Variants in ZNF362 observed in about 807,000 individuals in gnomAD.
ZNF362 encodes rotund homolog.
In ZNF362, 11 loss-of-function variants were observed where a neutral mutation model predicts 42.9. The observed-to-expected ratio is 0.26, with a 90% CI of 0.16 to 0.42. The LOEUF is 0.42. ZNF362 is among the 20% of genes least tolerant of loss of function. ZNF362 has a pLI of 1.00. For missense variants in ZNF362, 362 were observed against 576.2 expected (o/e 0.63, Z 3.81); for synonymous variants, 255 against 257.3 (o/e 0.99, Z 0.09).
the ZNF362 span, among the ~76,000 whole-genome samples, chr1:33,169,884 G>A: frequency 6.6e-6 from 1 of 152,134 alleles, no homozygotes; most frequent in Admixed American, 6.5e-5. Context: ...AGCTCGCAGG[G>A]CTCTCCAGGC....
chr1:33,215,619 C>G, the ZNF362 span, among the ~76,000 whole-genome samples: 11 of 152,006 alleles, frequency 7.2e-5, no homozygotes, highest in African/African-American at 2.7e-4. Context: ...GTACATTGCC[C>G]TATGTACTCC....
the ZNF362 span, among the ~76,000 whole-genome samples, chr1:33,139,606 A>C: frequency 6.6e-6 from 1 of 152,354 alleles, no homozygotes; most frequent in Non-Finnish European, 1.5e-5. Context: ...AAGGCCAAAA[A>C]TATGCTTATC....
the ZNF362 span, among the ~76,000 whole-genome samples, chr1:33,222,380 A>C: frequency 6.6e-6 from 1 of 152,162 alleles, no homozygotes. Flanking sequence ...TTTGCAGTGC[A>C]CCCTAGTCCA....
chr1:33,138,930 A>T, the ZNF362 span, among the ~76,000 whole-genome samples: 1 of 152,242 alleles, frequency 6.6e-6, no homozygotes, highest in Non-Finnish European at 1.5e-5. Flanking sequence ...ACACATAGAA[A>T]GATGGACAGT....
chr1:33,181,553 G>C, the ZNF362 span: 2 of 1,418,596 alleles, frequency 1.4e-6, no homozygotes, highest in African/African-American at 3.0e-5. The surrounding 1 kb of genome is among the most constrained non-coding windows in gnomAD (Gnocchi z 6.5). Context: ...GGCAGGGGTA[G>C]GAGCTACCGG....
chr1:33,276,460 C>A lies in ZNF362; in HGVS notation c.215C>A (p.Pro72Gln), dbSNP rs1436051511. Residue 72 changes from proline (P) to glutamine (Q), a missense_variant, in exon 4 of 9, where the codon CCG becomes CAG. Pro to Gln is a moderately conservative substitution (Grantham distance 76). Coordinates refer to ENST00000539719, the MANE Select transcript of ZNF362 (RefSeq NM_152493.3). ...SASSQQPLLV[P>Q]PAPAESSQAV... ...TCGTCGCAGCAGCCGTTGCTAGTGC[C>A]GCCGGCACCCGCCGAGAGCAGCCAG... 2 of 1,551,478 alleles carry A rather than the reference C, an allele frequency of 1.3e-6. No homozygotes were observed. The highest frequency in any genetic ancestry group is 1.4e-5 in the African/African-American group (1 of 73,406).
chr1:33,192,287 C>A, the ZNF362 span, among the ~76,000 whole-genome samples: 1 of 152,302 alleles, frequency 6.6e-6, no homozygotes, highest in South Asian at 2.1e-4. Flanking sequence ...ATGGTTGTAT[C>A]CCCTTGTATC....
At chr1:33,236,292 C>T in the ZNF362 span, among the ~76,000 whole-genome samples, 2 of 151,434 alleles carry the variant, frequency 1.3e-5, no homozygotes, top group Admixed American at 6.6e-5. Context: ...CCTGCAATCC[C>T]AGTACTTTGG....
At chr1:33,238,920 T>TCCAGCCC in the ZNF362 span, among the ~76,000 whole-genome samples, 1 of 152,142 alleles carries the variant, frequency 6.6e-6, no homozygotes, top group East Asian at 1.9e-4. Flanking sequence ...ATCCTGGACT[T>TCCAGCCC]CCAGCCTCCA....
the ZNF362 span, among the ~76,000 whole-genome samples, chr1:33,243,859 C>T: frequency 4.0e-5 from 6 of 151,578 alleles, no homozygotes; most frequent in African/African-American, 7.3e-5. Context: ...CCGCCCGCCT[C>T]GGCCTCCTTT....
At chr1:33,295,409 C>T (rs1191607778) in intron 8 of ZNF362, 104 bp downstream of exon 8, 2 of 1,370,494 alleles carry the variant, frequency 1.5e-6, no homozygotes, top group Non-Finnish European at 2.0e-6. Context: ...TCCCATTTTC[C>T]AGACAAATTG....
chr1:33,238,391 A>AAAATAAAAT, the ZNF362 span, among the ~76,000 whole-genome samples: 1 of 147,694 alleles, frequency 6.8e-6, no homozygotes, highest in African/African-American at 2.5e-5. Flanking sequence ...TAAATAAAAT[A>AAAATAAAAT]AAATAAAATA....
At chr1:33,177,123 G>A in the ZNF362 span, among the ~76,000 whole-genome samples, 23 of 151,264 alleles carry the variant, frequency 1.5e-4, no homozygotes, top group East Asian at 6.0e-4. This position sits in a 1 kb window ranked among gnomAD's most constrained non-coding sequence, Gnocchi z 4.1. Context: ...ATGCATGTAC[G>A]CATGCACACA....
At chr1:33,170,998 C>T in the ZNF362 span, among the ~76,000 whole-genome samples, 2 of 152,172 alleles carry the variant, frequency 1.3e-5, no homozygotes, top group Non-Finnish European at 2.9e-5. Context: ...GTGTCTTCAT[C>T]CCTCACTGTG....
At chr1:33,292,782 C>T (rs999510943) in intron 6 of ZNF362, among the ~76,000 whole-genome samples, 1 of 152,102 alleles carries the variant, frequency 6.6e-6, no homozygotes, top group Non-Finnish European at 1.5e-5. Flanking sequence ...CCTAAGTAAA[C>T]GAATTCCCCA....
Position 33,276,394 on chromosome 1 carries a change from C to G in ZNF362, c.149C>G (p.Ala50Gly). 1 of 1,577,326 alleles carries G rather than the reference C, an allele frequency of 6.3e-7. No homozygotes were observed. The highest frequency in any genetic ancestry group is 1.2e-5 in the South Asian group (1 of 86,454). Residue 50 changes from alanine (A) to glycine (G), a missense_variant, in exon 4 of 9, where the codon GCC (alanine) becomes GGC (glycine). Ala to Gly is a moderately conservative substitution (Grantham distance 60). Transcript: ENST00000539719. The part of the protein sequence containing the change: ...LINKIKEQLM[A>G]EKIRPPHLPP... ...AACAAGATCAAGGAGCAGCTGATGG[C>G]CGAGAAGATCAGGCCGCCTCACCTG... is the stretch of plus-strand genomic sequence containing the variant.
the ZNF362 span, among the ~76,000 whole-genome samples, chr1:33,145,133 C>T: frequency 4.6e-5 from 7 of 152,178 alleles, no homozygotes; most frequent in Non-Finnish European, 7.3e-5. Flanking sequence ...AGACTACCAC[C>T]ACCTCTCCTC....
the ZNF362 span, chr1:33,181,358 G>A: frequency 6.3e-7 from 1 of 1,594,644 alleles, no homozygotes; most frequent in Non-Finnish European, 8.5e-7. This position sits in a 1 kb window ranked among gnomAD's most constrained non-coding sequence, Gnocchi z 6.5. Context: ...AATGCTCGCA[G>A]CCCAGGCTCA....
chr1:33,214,143 G>T, the ZNF362 span, among the ~76,000 whole-genome samples: 1 of 152,112 alleles, frequency 6.6e-6, no homozygotes, highest in Non-Finnish European at 1.5e-5. Flanking sequence ...TGAAGCCATG[G>T]GAAAACATAC....
Sources: allele counts gnomAD v4.1 joint callset (sites outside exome capture counted in the v4.1 genomes callset), GRCh38; gene constraint gnomAD v4.1.1; non-coding constraint Gnocchi (gnomAD v3.1); transcripts MANE v1.5; gene names NCBI Gene and HGNC (gene_info 2026-07-23, HGNC 2026-07-21).